The following ZNF618 variants were observed in gnomAD, a reference collection of about 807,000 sequenced individuals.
ZNF618 encodes the protein neural precursor cell expressed, developmentally down-regulated 10.
In ZNF618, 34 loss-of-function variants were observed where a neutral mutation model predicts 103.0. The ratio of observed to expected loss-of-function variants is 0.33; its 90% CI spans 0.25 to 0.44. The LOEUF is 0.44. Among genes scored for constraint, ZNF618 ranks in the 20% least tolerant of loss-of-function variants. The pLI, the probability that ZNF618 is intolerant of heterozygous loss-of-function variation, is 1.00. For synonymous variants in ZNF618, 551 were observed against 542.2 expected (o/e 1.02, Z -0.23); for missense variants, 1,059 against 1,295.4 (o/e 0.82, Z 2.80).
At chr9:113,982,127 G>A (rs1449820070) in intron 2 of ZNF618, among the ~76,000 whole-genome samples, 1 of 152,244 alleles carries the variant, frequency 6.6e-6, no homozygotes, top group East Asian at 1.9e-4. Context: ...ACCAAAGGTA[G>A]TGGAAGATAG....
rs369481086 is a variant in ZNF618 at position 113,988,534 on chromosome 9, C to T, written c.291C>T (p.Ala97=). The T allele has an allele frequency of 3.6e-5, 58 of 1,612,008 alleles. No individual in the cohort carries two copies. The African/African-American group carries it at 5.9e-4, about 16-fold the overall frequency. ...VSKDGTSDVP[A]EICVVIGGVR... Reference sequence around the variant, plus strand: ...AGGATGGGACCAGCGACGTGCCTGCCGAGATCTGCGTGGTGATCGGCGGCG... The same window carrying T: ...AGGATGGGACCAGCGACGTGCCTGCTGAGATCTGCGTGGTGATCGGCGGCG... Residue 97 remains alanine, a synonymous_variant, in exon 3 of 15, where the codon GCC becomes GCT. Transcript: ENST00000374126.
rs553401908 is a variant in ZNF618, at chr9:113,879,258, C to T, written c.33+2845C>T. 4.6e-5 allele frequency among the ~76,000 whole-genome samples: 7 copies of T among 152,100 alleles called. No individual in the cohort carries two copies. The South Asian group carries it at 1.2e-3, about 27-fold the overall frequency. The stretch of plus-strand genomic sequence containing the variant: ...TGCAAGGAATAAAAATATTGCAGCA[C>T]GTCCCTTTGTGTGGCCTGGATCTCC... On this transcript the variant is annotated intron_variant, in intron 1 of 14. Coordinates refer to ENST00000374126, the MANE Select transcript of ZNF618 (RefSeq NM_001318042.2).
chr9:114,036,526 A>G, intron 13 of ZNF618, 149 bp downstream of exon 13: 3 of 815,560 alleles, frequency 3.7e-6, no homozygotes, highest in Non-Finnish European at 5.8e-6. Flanking sequence ...AGGGAGCCCC[A>G]GTCAGTCAGT....
chr9:114,032,780 GC>G lies in ZNF618; in HGVS notation c.1168+53del. ...TGTGCGGTAGCTGCCAGCTTCGCCC[GC>G]TCCCCCCTGGCAGCCGCGGCAGCAT... is the stretch of plus-strand genomic sequence containing the variant. On this transcript the variant is annotated intron_variant, in intron 12 of 14. Transcript: ENST00000374126. The G allele has an allele frequency of 1.9e-6, 3 of 1,540,646 alleles. No individual in the cohort carries two copies. The South Asian group carries it at 3.4e-5, about 17-fold the overall frequency.
intron 13 of ZNF618, among the ~76,000 whole-genome samples, chr9:114,043,083 T>C (rs1176045011): frequency 6.6e-6 from 1 of 152,246 alleles, no homozygotes; most frequent in African/African-American, 2.4e-5. Flanking sequence ...TGCTGAGTTG[T>C]ATTTCATTAT....
chr9:113,978,135 A>G (rs1053786331), intron 2 of ZNF618, among the ~76,000 whole-genome samples: 7 of 152,242 alleles, frequency 4.6e-5, no homozygotes, highest in Non-Finnish European at 1.5e-5. Context: ...TCAGTGATAC[A>G]TGACAGAAAT....
chr9:113,942,548 T>C (rs1834649580), intron 1 of ZNF618, among the ~76,000 whole-genome samples: 1 of 152,210 alleles, frequency 6.6e-6, no homozygotes, highest in Non-Finnish European at 1.5e-5. Context: ...ATAGCCACTC[T>C]ACTGGGCTGT....
At chr9:114,031,245 T>C (rs867853058) in intron 11 of ZNF618, among the ~76,000 whole-genome samples, 11 of 150,762 alleles carry the variant, frequency 7.3e-5, no homozygotes, top group Admixed American at 2.0e-4. Flanking sequence ...CCCCCACCCC[T>C]TTCCCTAGAC....
At chr9:114,011,438 T>C (rs1048646410) in intron 9 of ZNF618, among the ~76,000 whole-genome samples, 3 of 152,196 alleles carry the variant, frequency 2.0e-5, no homozygotes, top group Admixed American at 6.5e-5. Context: ...TAGAATTGCA[T>C]TGAGAATATC....
chr9:113,892,342 G>A lies in ZNF618; in HGVS notation c.33+15929G>A, dbSNP rs548009931. Among the ~76,000 whole-genome samples, 120 of 152,240 alleles carry A rather than the reference G, an allele frequency of 7.9e-4. 1 individual carries two copies. The highest frequency in any genetic ancestry group is 1.9e-3 in the South Asian group (9 of 4,816). ...CTAATACAATGTAAATGCTGTGTGA[G>A]TTCTGTATATTTAGGGAATATGACA... On this transcript the variant is annotated intron_variant, in intron 1 of 14. Transcript: ENST00000374126.
chr9:114,007,303 C>A, intron 6 of ZNF618, 47 bp from the exon 7 acceptor site: 1 of 1,577,488 alleles, frequency 6.3e-7, no homozygotes, highest in Admixed American at 1.7e-5. Flanking sequence ...CCCCACCCCA[C>A]AAGACTGAAG....
chr9:113,909,670 G>T (rs768133536), intron 1 of ZNF618, among the ~76,000 whole-genome samples: 1 of 152,174 alleles, frequency 6.6e-6, no homozygotes, highest in African/African-American at 2.4e-5. Context: ...GGCTCCACAG[G>T]GTGGAAATGT....
At chr9:114,032,426 CTG>C (rs559853528) in intron 11 of ZNF618, among the ~76,000 whole-genome samples, 58 of 152,276 alleles carry the variant, frequency 3.8e-4, no homozygotes, top group African/African-American at 1.3e-3. Context: ...GCCCCCGTGC[CTG>C]GGCCTCCTGG....
At chr9:113,883,918 G>A (rs1459563947) in intron 1 of ZNF618, among the ~76,000 whole-genome samples, 1 of 148,848 alleles carries the variant, frequency 6.7e-6, no homozygotes, top group Non-Finnish European at 1.5e-5. Flanking sequence ...TTGTCCTCCT[G>A]GTGGGGAGGA....
intron 12 of ZNF618, among the ~76,000 whole-genome samples, chr9:114,035,396 C>A (rs926353888): frequency 6.6e-6 from 1 of 152,134 alleles, no homozygotes; most frequent in African/African-American, 2.4e-5. Context: ...GAGGTCCAGC[C>A]CTGGGCGGGT....
chr9:113,928,055 C>G (rs1005160088), intron 1 of ZNF618, among the ~76,000 whole-genome samples: 2 of 152,160 alleles, frequency 1.3e-5, no homozygotes, highest in Non-Finnish European at 2.9e-5. Flanking sequence ...GTGACAGCCT[C>G]CAAGCTCTTT....
At chr9:113,901,065 G>C (rs1006246113) in intron 1 of ZNF618, among the ~76,000 whole-genome samples, 1 of 91,524 alleles carries the variant, frequency 1.1e-5, no homozygotes, top group Non-Finnish European at 2.2e-5. Flanking sequence ...GTCCTCTCGC[G>C]CTAACCCGAC....
chr9:114,032,189 A>G (rs1343365363), intron 11 of ZNF618, among the ~76,000 whole-genome samples: 2 of 152,172 alleles, frequency 1.3e-5, no homozygotes, highest in Non-Finnish European at 2.9e-5. Context: ...ACCAGGGACC[A>G]CCTAGCTGAT....
At chr9:113,967,615 A>G (rs1837537415) in intron 1 of ZNF618, among the ~76,000 whole-genome samples, 1 of 152,176 alleles carries the variant, frequency 6.6e-6, no homozygotes, top group Non-Finnish European at 1.5e-5. Context: ...GGGACTTTTG[A>G]TAAATACATT....
Sources: gnomAD v4.1 joint callset for allele counts (sites outside exome capture counted in the v4.1 genomes callset) on GRCh38, gnomAD v4.1.1 for gene constraint, MANE v1.5 for transcripts, NCBI Gene and HGNC (gene_info 2026-07-23, HGNC 2026-07-21) for gene names.